CFDP1: variants seen among roughly 807,000 people sequenced by gnomAD.
CFDP1 encodes the protein heterochromatin-stabilizing protein CFDP1.
Under a neutral mutation model 40.1 loss-of-function variants are expected in CFDP1, and 31 were observed. That is an observed-to-expected ratio of 0.77 (90% CI 0.58 to 1.04). The LOEUF (loss-of-function observed/expected upper bound fraction) is 1.04, where lower values mean the gene tolerates loss of function less well. Ranked by LOEUF, CFDP1 falls within the 50% of genes least tolerant of loss-of-function variation. The pLI, the probability that CFDP1 is intolerant of heterozygous loss-of-function variation, is 0.00. For synonymous variants in CFDP1, 167 were observed against 120.0 expected (o/e 1.39, Z -2.56); for missense variants, 423 against 343.4 (o/e 1.23, Z -1.83).
chr16:75,296,297 A>C (rs1191179985), intron 6 of CFDP1, among the ~76,000 whole-genome samples: 1 of 152,060 alleles, frequency 6.6e-6, no homozygotes, highest in East Asian at 1.9e-4. Context: ...GCTGGAGTGC[A>C]GTGGTGCACA....
intron 1 of CFDP1, among the ~76,000 whole-genome samples, chr16:75,432,370 T>TAAAAAA (rs55961935): frequency 3.5e-4 from 37 of 105,576 alleles, no homozygotes; most frequent in African/African-American, 1.1e-3. Flanking sequence ...ATGCCATTTC[T>TAAAAAA]AAAAAAAAAA....
chr16:75,427,871 G>C (rs750570042), intron 1 of CFDP1, among the ~76,000 whole-genome samples: 42 of 152,288 alleles, frequency 2.8e-4, no homozygotes, highest in Middle Eastern at 3.4e-3. Flanking sequence ...ATAAACTGTG[G>C]TATATCCATA....
intron 5 of CFDP1, among the ~76,000 whole-genome samples, chr16:75,314,148 G>C (rs8056473): frequency 0.21 from 32,173 of 151,980 alleles, 3,745 homozygotes; most frequent in African/African-American, 0.31. Flanking sequence ...GCCTCCCAAA[G>C]TGCAGAGATT....
chr16:75,306,150 T>C (rs1160738889), intron 5 of CFDP1, among the ~76,000 whole-genome samples: 1 of 152,224 alleles, frequency 6.6e-6, no homozygotes, highest in African/African-American at 2.4e-5. Context: ...AAGTTAAACA[T>C]TTAAAAACTA....
intron 5 of CFDP1, among the ~76,000 whole-genome samples, chr16:75,338,566 C>T (rs16960805): frequency 0.035 from 5,347 of 152,248 alleles, 343 homozygotes; most frequent in African/African-American, 0.12. Flanking sequence ...TTTCTACCTG[C>T]GTCTAGTGAT....
chr16:75,320,980 A>G (rs770616087), intron 5 of CFDP1, among the ~76,000 whole-genome samples: 2 of 149,960 alleles, frequency 1.3e-5, no homozygotes, highest in Non-Finnish European at 3.0e-5. Flanking sequence ...CTCAGCTAGT[A>G]TTTTTTTTTT....
At chr16:75,409,812 T>C (rs2079140552) in intron 4 of CFDP1, among the ~76,000 whole-genome samples, 2 of 152,252 alleles carry the variant, frequency 1.3e-5, no homozygotes, top group Admixed American at 1.3e-4. Flanking sequence ...ATCATAGGTA[T>C]GTAGGTGTTT....
intron 1 of CFDP1, among the ~76,000 whole-genome samples, chr16:75,428,269 G>C (rs1010624291): frequency 1.3e-5 from 2 of 152,016 alleles, no homozygotes; most frequent in East Asian, 1.9e-4. Flanking sequence ...GTTAAAAATT[G>C]TATGTTAAAT....
At chr16:75,423,146 T>A (rs1199961475) in intron 1 of CFDP1, among the ~76,000 whole-genome samples, 2 of 151,774 alleles carry the variant, frequency 1.3e-5, no homozygotes, top group East Asian at 4.0e-4. Flanking sequence ...CCGGGCCTTG[T>A]GGTGGGTGCC....
At chr16:75,330,333 T>A (rs920261291) in intron 5 of CFDP1, among the ~76,000 whole-genome samples, 1 of 152,324 alleles carries the variant, frequency 6.6e-6, no homozygotes, top group African/African-American at 2.4e-5. Flanking sequence ...ACGTGTATTA[T>A]CCCAACACTT....
intron 5 of CFDP1, among the ~76,000 whole-genome samples, chr16:75,316,895 C>T (rs1393566645): frequency 1.3e-5 from 2 of 152,046 alleles, no homozygotes; most frequent in African/African-American, 2.4e-5. Context: ...GCAGGAGAAT[C>T]GCTTGAACCC....
chr16:75,298,690 A>G (rs2078201071), intron 6 of CFDP1, among the ~76,000 whole-genome samples: 1 of 152,178 alleles, frequency 6.6e-6, no homozygotes, highest in African/African-American at 2.4e-5. Flanking sequence ...CAGTTTGCCC[A>G]ATAGTACACC....
chr16:75,353,027 C>T (rs1268453884), intron 5 of CFDP1, among the ~76,000 whole-genome samples: 1 of 152,110 alleles, frequency 6.6e-6, no homozygotes, highest in Non-Finnish European at 1.5e-5. Flanking sequence ...ATGTAACCAG[C>T]AAAACCCATG....
intron 4 of CFDP1, among the ~76,000 whole-genome samples, chr16:75,395,584 G>T (rs540579275): frequency 6.6e-6 from 1 of 151,974 alleles, no homozygotes; most frequent in Non-Finnish European, 1.5e-5. Flanking sequence ...ACTTGAACCC[G>T]GGAGGCAGAG....
chr16:75,404,592 A>G (rs1285019998), intron 4 of CFDP1, among the ~76,000 whole-genome samples: 1 of 152,110 alleles, frequency 6.6e-6, no homozygotes, highest in Admixed American at 6.6e-5. Context: ...GATGGATGAG[A>G]AGCACCATCA....
chr16:75,318,412 T>C (rs1447547089), intron 5 of CFDP1, among the ~76,000 whole-genome samples: 3 of 150,266 alleles, frequency 2.0e-5, no homozygotes, highest in African/African-American at 4.9e-5. Context: ...TTCTTTCTTT[T>C]TTTTTTTTTT....
intron 6 of CFDP1, among the ~76,000 whole-genome samples, chr16:75,301,032 G>T (rs1364041076): frequency 6.6e-6 from 1 of 152,166 alleles, no homozygotes; most frequent in Non-Finnish European, 1.5e-5. Flanking sequence ...GAAACTTAAA[G>T]GAATAAAGCA....
chr16:75,392,691 T>C (rs2078962171), intron 5 of CFDP1, among the ~76,000 whole-genome samples: 1 of 152,084 alleles, frequency 6.6e-6, no homozygotes, highest in Non-Finnish European at 1.5e-5. Context: ...AGGCATGGGG[T>C]TTCACCATGT....
At chr16:75,316,304 C>T (rs1405226599) in intron 5 of CFDP1, among the ~76,000 whole-genome samples, 2 of 152,136 alleles carry the variant, frequency 1.3e-5, no homozygotes, top group African/African-American at 4.8e-5. Context: ...AGATAATACT[C>T]TCAGGAAGTT....
Sources: allele counts gnomAD v4.1 joint callset (sites outside exome capture counted in the v4.1 genomes callset), GRCh38; gene constraint gnomAD v4.1.1; transcripts MANE v1.5; gene names NCBI Gene and HGNC (gene_info 2026-07-23, HGNC 2026-07-21).